The following TBC1D5 variants were observed in gnomAD, a reference collection of about 807,000 sequenced individuals.
TBC1D5 encodes TBC1 domain family, member 5.
A neutral mutation model predicts 100.3 loss-of-function variants in TBC1D5; 75 were observed. That is an observed-to-expected ratio of 0.75 (90% confidence interval 0.62 to 0.91). TBC1D5 has a LOEUF of 0.91. Among genes scored for constraint, TBC1D5 ranks in the 40% least tolerant of loss-of-function variants. The pLI is 0.00. For missense variants in TBC1D5, 910 were observed against 942.4 expected, an observed-to-expected ratio of 0.97 and a Z score of 0.45; for synonymous variants, 323 against 325.6, an observed-to-expected ratio of 0.99 and a Z score of 0.09.
intron 13 of TBC1D5, among the ~76,000 whole-genome samples, chr3:17,342,803 TATA>T (rs948065545): frequency 3.9e-5 from 6 of 152,210 alleles, no homozygotes; most frequent in African/African-American, 1.2e-4. Flanking sequence ...ACACGCATAT[TATA>T]ATCTTTTTTC....
At chr3:17,582,480 G>T (rs1448050685) in intron 2 of TBC1D5, among the ~76,000 whole-genome samples, 2 of 151,956 alleles carry the variant, frequency 1.3e-5, no homozygotes, top group Admixed American at 1.3e-4. Flanking sequence ...ACAAAAACGG[G>T]ATATAAAAAA....
intron 2 of TBC1D5, among the ~76,000 whole-genome samples, chr3:17,569,935 T>G (rs1560183082): frequency 6.6e-6 from 1 of 151,796 alleles, no homozygotes; most frequent in Non-Finnish European, 1.5e-5. Flanking sequence ...ATATATACAG[T>G]CTCTTCACTT....
At chr3:17,253,983 G>A (rs557949898) in intron 16 of TBC1D5, among the ~76,000 whole-genome samples, 1 of 152,176 alleles carries the variant, frequency 6.6e-6, no homozygotes, top group African/African-American at 2.4e-5. Context: ...TTAAGTACAC[G>A]TGGATTTGGC....
At chr3:17,391,703 G>C (rs79116837) in intron 8 of TBC1D5, among the ~76,000 whole-genome samples, 2 of 152,034 alleles carry the variant, frequency 1.3e-5, no homozygotes, top group Admixed American at 1.3e-4. Flanking sequence ...GCAAAGAGGC[G>C]CCAGTGAGGG....
chr3:17,264,396 A>C (rs531702505), intron 15 of TBC1D5, among the ~76,000 whole-genome samples: 9 of 152,314 alleles, frequency 5.9e-5, no homozygotes, highest in African/African-American at 1.9e-4. Flanking sequence ...CAGAAGGAGA[A>C]GTCTCATCTT....
chr3:17,583,646 G>A (rs1392731914), intron 2 of TBC1D5, among the ~76,000 whole-genome samples: 1 of 152,204 alleles, frequency 6.6e-6, no homozygotes, highest in Non-Finnish European at 1.5e-5. Flanking sequence ...AGAATCGCTT[G>A]AACCTGGGAG....
At chr3:17,529,347 C>T (rs2096185120) in intron 2 of TBC1D5, among the ~76,000 whole-genome samples, 1 of 152,106 alleles carries the variant, frequency 6.6e-6, no homozygotes, top group Non-Finnish European at 1.5e-5. Context: ...TCCCGATTTG[C>T]CTGGGGAATA....
chr3:17,316,130 T>C (rs1254373444), intron 13 of TBC1D5, among the ~76,000 whole-genome samples: 7 of 152,198 alleles, frequency 4.6e-5, no homozygotes, highest in Non-Finnish European at 7.3e-5. Context: ...AGTGTTGCCA[T>C]TGCCCATTTG....
chr3:17,731,887 GAGA>G (rs1329783222), intron 1 of TBC1D5, among the ~76,000 whole-genome samples: 1 of 152,048 alleles, frequency 6.6e-6, no homozygotes, highest in Admixed American at 6.6e-5. Context: ...TTTTTTGTAA[GAGA>G]AGAAGGTAAA....
rs371931417 is a variant in TBC1D5, at chr3:17,403,596, A to C, written c.442-348T>G. Among the ~76,000 whole-genome samples, 19 of 152,242 alleles carry C rather than the reference A, an allele frequency of 1.2e-4. No individual in the cohort carries two copies. In the South Asian group the frequency reaches 3.9e-3, roughly 32 times the overall value. On this transcript the variant is annotated intron_variant, in intron 7 of 21. Transcript: ENST00000253692. ...AAAATACAAATCAGAAAAACAGCAC[A>C]GTATAACAACTTTATTTAGCATTTA...
At chr3:17,259,419 CA>C (rs1253713338) in intron 15 of TBC1D5, among the ~76,000 whole-genome samples, 1 of 152,038 alleles carries the variant, frequency 6.6e-6, no homozygotes, top group African/African-American at 2.4e-5. Flanking sequence ...TTACAAAAAC[CA>C]ATCATGTTTA....
chr3:17,641,681 G>A (rs1371489052), intron 1 of TBC1D5, among the ~76,000 whole-genome samples: 5 of 151,686 alleles, frequency 3.3e-5, no homozygotes, highest in South Asian at 4.1e-4. Context: ...AACATTTCTC[G>A]GCATTTGCTT....
chr3:17,578,712 C>A (rs1047810522), intron 2 of TBC1D5, among the ~76,000 whole-genome samples: 6 of 151,942 alleles, frequency 3.9e-5, no homozygotes. Context: ...ACATGCTCAT[C>A]AGGTAAAAAA....
intron 2 of TBC1D5, among the ~76,000 whole-genome samples, chr3:17,546,026 A>T (rs1053206203): frequency 3.2e-4 from 49 of 152,154 alleles, no homozygotes; most frequent in African/African-American, 1.0e-3. Flanking sequence ...AAATGTCTTT[A>T]AAAAAATTAG....
At position 17,303,708 on chromosome 3, in the gene TBC1D5, C is replaced by T. The variant is rs537772634; in HGVS notation, c.1138+4284G>A. Among the ~76,000 whole-genome samples the T allele has an allele frequency of 2.6e-5, 4 of 152,252 alleles. No individual in the cohort carries two copies. In the South Asian group the frequency reaches 8.3e-4, roughly 32 times the overall value. On this transcript the variant is annotated intron_variant, in intron 14 of 21. Transcript: ENST00000253692. ...TATATTCAATTTTCCCTAATCTTTT[C>T]CTGGCTGTGCTTCCCTCTTTATACA...
At chr3:17,703,914 GTTTT>G (rs58614671) in intron 1 of TBC1D5, among the ~76,000 whole-genome samples, 10 of 141,862 alleles carry the variant, frequency 7.0e-5, no homozygotes, top group Non-Finnish European at 1.5e-4. Flanking sequence ...TTTTTTTTTT[GTTTT>G]TTTTTTTTTA....
At chr3:17,741,974 T>C (rs1321038251), upstream of TBC1D5, among the ~76,000 whole-genome samples, 4 of 152,088 alleles carry the variant, frequency 2.6e-5, no homozygotes, top group East Asian at 5.8e-4. Flanking sequence ...TCAGGGCCCG[T>C]TTCGCTTCCG....
At chr3:17,739,259 C>T (rs1350584703) in intron 1 of TBC1D5, 2 of 152,210 alleles carry the variant, frequency 1.3e-5, no homozygotes, top group Admixed American at 1.3e-4. Context: ...CAGGACAAAG[C>T]TTTCAGTGGT....
chr3:17,584,982 G>A (rs1315804838), intron 2 of TBC1D5, among the ~76,000 whole-genome samples: 2 of 151,766 alleles, frequency 1.3e-5, no homozygotes, highest in Non-Finnish European at 2.9e-5. Flanking sequence ...ACAGAGATGG[G>A]GATTTGCTAT....
Sources: allele counts gnomAD v4.1 joint callset (sites outside exome capture counted in the v4.1 genomes callset), GRCh38; gene constraint gnomAD v4.1.1; transcripts MANE v1.5; gene names NCBI Gene and HGNC (gene_info 2026-07-23, HGNC 2026-07-21).